The following AFG1L variants were observed in gnomAD, a reference collection of about 807,000 sequenced individuals.
The protein encoded by AFG1L is AFG1-like ATPase.
AFG1L carries 53 observed loss-of-function variants against 62.2 expected under a neutral mutation model. That is an observed-to-expected ratio of 0.85 (90% confidence interval 0.68 to 1.07). AFG1L has a LOEUF of 1.07. AFG1L is among the 50% of genes least tolerant of loss of function. AFG1L has a pLI of 0.00. For synonymous variants in AFG1L, 228 were observed against 210.3 expected, an observed-to-expected ratio of 1.08 and a Z score of -0.73; for missense variants, 555 against 590.5, an observed-to-expected ratio of 0.94 and a Z score of 0.62.
intron 6 of AFG1L, among the ~76,000 whole-genome samples, chr6:108,400,810 AT>A (rs1781557321): frequency 4.3e-5 from 1 of 23,468 alleles, no homozygotes; most frequent in African/African-American, 9.6e-4. Context: ...TATATAATAA[AT>A]ATATATAATA....
rs1243256290 is a variant in AFG1L, at chr6:108,323,906, G to T, written c.221G>T (p.Gly74Val). Residue 74 changes from glycine to valine, a missense_variant, in exon 2 of 13, where the codon GGA becomes GTA. By Grantham distance (109) the Gly-to-Val change is moderately radical. Coordinates refer to ENST00000368977, the MANE Select transcript of AFG1L (RefSeq NM_145315.5). Reference sequence around the variant, plus strand: ...TTGAAAGCTTTGGCCGTTTGCCATGGACCTCTGGACCACTATGATTTTCTG... The same window carrying T: ...TTGAAAGCTTTGGCCGTTTGCCATGTACCTCTGGACCACTATGATTTTCTG... ...TYLKALAVCH[G>V]PLDHYDFLIK... The T allele has an allele frequency of 6.2e-7, 1 of 1,614,132 alleles. No individual in the cohort carries two copies. The highest frequency in any genetic ancestry group is 2.2e-5 in the East Asian group (1 of 44,882).
chr6:108,372,638 C>T (rs1780062917), intron 6 of AFG1L: 1 of 153,500 alleles, frequency 6.5e-6, no homozygotes, highest in African/African-American at 2.4e-5. Context: ...CAAACTTGTT[C>T]TTAACAAGTA....
chr6:108,519,854 A>G lies in AFG1L; in HGVS notation c.1317+44A>G, dbSNP rs148555962. 1.5e-4 allele frequency: 203 copies of G among 1,318,596 alleles called. 1 individual carries two copies. The African/African-American group carries it at 2.5e-3, about 16-fold the overall frequency. 81.7% of individuals were successfully genotyped at this position (1,318,596 alleles called of 1,614,324 possible). The stretch of plus-strand genomic sequence containing the variant: ...ATCTCTTTTTATTATAAAACAGCTT[A>G]ATTGTTTTTGGTTTGATGCATGGCT... On this transcript the variant is annotated intron_variant, in intron 12 of 12. Transcript: ENST00000368977.
At chr6:108,502,130 G>A (rs973318752) in intron 10 of AFG1L, among the ~76,000 whole-genome samples, 2 of 152,050 alleles carry the variant, frequency 1.3e-5, no homozygotes, top group East Asian at 3.9e-4. Flanking sequence ...AGGTTCAAGC[G>A]ATTCTCTTGG....
intron 6 of AFG1L, among the ~76,000 whole-genome samples, chr6:108,373,497 G>A (rs975747729): frequency 6.6e-6 from 1 of 152,024 alleles, no homozygotes; most frequent in African/African-American, 2.4e-5. Flanking sequence ...TGTGATGAAT[G>A]TGCAAATGCA....
At chr6:108,401,007 C>T (rs1223271690) in intron 6 of AFG1L, among the ~76,000 whole-genome samples, 2 of 150,474 alleles carry the variant, frequency 1.3e-5, no homozygotes, top group East Asian at 1.9e-4. Context: ...CTTGCTCTGT[C>T]ACCCAGGCTG....
At chr6:108,429,875 A>G (rs1377493134) in intron 7 of AFG1L, among the ~76,000 whole-genome samples, 3 of 151,904 alleles carry the variant, frequency 2.0e-5, no homozygotes, top group Non-Finnish European at 4.4e-5. Context: ...CAGTATGGTC[A>G]TTTTCACAAT....
At chr6:108,464,063 A>G (rs759725765) in intron 8 of AFG1L, among the ~76,000 whole-genome samples, 2 of 152,214 alleles carry the variant, frequency 1.3e-5, no homozygotes, top group Admixed American at 6.5e-5. Flanking sequence ...AATAGAGAAC[A>G]TGGAGAGAGA....
intron 1 of AFG1L, among the ~76,000 whole-genome samples, chr6:108,315,240 CT>C (rs1442744058): frequency 6.6e-6 from 1 of 152,172 alleles, no homozygotes; most frequent in East Asian, 1.9e-4. Flanking sequence ...TTTGCATCAA[CT>C]ATATAAACTT....
intron 7 of AFG1L, among the ~76,000 whole-genome samples, chr6:108,423,192 T>C (rs1770675873): frequency 6.6e-6 from 1 of 152,114 alleles, no homozygotes. Context: ...AGTTTTGCTT[T>C]ACTATTCACT....
At chr6:108,368,722 C>A (rs1402401930) in intron 6 of AFG1L, among the ~76,000 whole-genome samples, 1 of 152,112 alleles carries the variant, frequency 6.6e-6, no homozygotes, top group Non-Finnish European at 1.5e-5. Context: ...AGAGCTAGAA[C>A]AATTTTGGAA....
At chr6:108,428,774 ATTTTTCAAC>A (rs1770939426) in intron 7 of AFG1L, among the ~76,000 whole-genome samples, 1 of 151,562 alleles carries the variant, frequency 6.6e-6, no homozygotes, top group Admixed American at 6.6e-5. Context: ...TATTCGTGTT[ATTTTTCAAC>A]TTTTGATGAG....
At chr6:108,500,504 T>TACAC (rs776095667) in intron 10 of AFG1L, among the ~76,000 whole-genome samples, 4 of 151,764 alleles carry the variant, frequency 2.6e-5, no homozygotes, top group African/African-American at 4.8e-5. Flanking sequence ...CATATATATT[T>TACAC]ACACACACAC....
chr6:108,485,643 T>TTTTTTTTAA (rs1477777018), intron 10 of AFG1L, among the ~76,000 whole-genome samples: 1 of 19,374 alleles, frequency 5.2e-5, no homozygotes, highest in African/African-American at 2.6e-4. Flanking sequence ...TATATATATA[T>TTTTTTTTAA]ATATATATAT....
At chr6:108,474,507 T>C (rs144203078) in intron 8 of AFG1L, among the ~76,000 whole-genome samples, 333 of 152,346 alleles carry the variant, frequency 2.2e-3, no homozygotes, top group African/African-American at 7.7e-3. Flanking sequence ...ACCAACAATG[T>C]AAAAGCATTC....
chr6:108,354,470 A>G (rs1025304911), intron 3 of AFG1L, among the ~76,000 whole-genome samples: 1 of 151,994 alleles, frequency 6.6e-6, no homozygotes, highest in Non-Finnish European at 1.5e-5. Context: ...ATGCCCAGCT[A>G]ATTTTTGTAC....
intron 8 of AFG1L, among the ~76,000 whole-genome samples, chr6:108,460,535 T>C (rs1772414611): frequency 6.6e-6 from 1 of 152,222 alleles, no homozygotes; most frequent in African/African-American, 2.4e-5. Context: ...GTTTTCTTTA[T>C]GTTTCTTGTT....
At position 108,322,930 on chromosome 6, in the gene AFG1L, C is replaced by CA. The variant is rs150825956; in HGVS notation, c.140-890dup. 5.3e-5 allele frequency among the ~76,000 whole-genome samples: 8 copies of CA among 152,180 alleles called. No individual in the cohort carries two copies. The East Asian group carries it at 1.2e-3, about 22-fold the overall frequency. On this transcript the variant is annotated intron_variant, in intron 1 of 12. Coordinates refer to ENST00000368977, the MANE Select transcript of AFG1L (RefSeq NM_145315.5). ...CAATCATTTCTCTCCCAGGAGAGGC[C>CA]AAAAATAGGATCAGAACACCACCCT...
intron 7 of AFG1L, among the ~76,000 whole-genome samples, chr6:108,419,730 T>A (rs1582558873): frequency 6.6e-6 from 1 of 152,316 alleles, no homozygotes; most frequent in South Asian, 2.1e-4. Context: ...GTGCATCCTT[T>A]ACATAAAACT....
Sources: allele counts gnomAD v4.1 joint callset (sites outside exome capture counted in the v4.1 genomes callset), GRCh38; gene constraint gnomAD v4.1.1; transcripts MANE v1.5; gene names NCBI Gene and HGNC (gene_info 2026-07-23, HGNC 2026-07-21).